Variants in MAP3K4 observed in about 807,000 individuals in gnomAD.
MAP3K4 encodes mitogen-activated protein kinase kinase kinase 4.
A neutral mutation model predicts 185.6 loss-of-function variants in MAP3K4; 67 were observed. The ratio of observed to expected loss-of-function variants is 0.36; its 90% CI spans 0.30 to 0.44. The LOEUF (loss-of-function observed/expected upper bound fraction) is 0.44, where lower values mean the gene tolerates loss of function less well. MAP3K4 is among the 20% of genes least tolerant of loss of function. The pLI, the probability that MAP3K4 is intolerant of heterozygous loss-of-function variation, is 1.00. For missense variants in MAP3K4, 1,551 were observed against 1,995.1 expected (o/e 0.78, Z 4.24); for synonymous variants, 702 against 710.4 (o/e 0.99, Z 0.19).
rs751637906 is a variant in MAP3K4 at position 161,049,886 on chromosome 6, G to A, written c.1614G>A (p.Gly538=). The change falls in exon 3 of 27, where the codon GGG becomes GGA. Residue 538 remains glycine (G), a synonymous_variant. Coordinates refer to ENST00000392142, the MANE Select transcript of MAP3K4 (RefSeq NM_005922.4). The surrounding 1 kb of genome is among the most constrained non-coding windows in gnomAD (Gnocchi z 8.4). ...TAGACAAAGCACTGAAGCAGATGGG[G>A]TTAAGAAAGTTAATTTTAAGACTTC... ...PFVDKALKQM[G]LRKLILRLHK... is the part of the protein sequence containing the mutation. The A allele has an allele frequency of 1.1e-5, 17 of 1,614,006 alleles. No individual in the cohort carries two copies. In the East Asian group the frequency reaches 3.6e-4, roughly 34 times the overall value.
chr6:161,006,379 G>T (rs965875068), intron 1 of MAP3K4, among the ~76,000 whole-genome samples: 5 of 152,128 alleles, frequency 3.3e-5, no homozygotes, highest in Non-Finnish European at 7.4e-5. Flanking sequence ...TGCTGAACAC[G>T]TACAGACTTT....
At position 161,074,621 on chromosome 6, in the gene MAP3K4, T is replaced by G. The variant is rs1438119167; in HGVS notation, c.2097+1009T>G. On this transcript the variant is annotated intron_variant, in intron 5 of 26. Coordinates refer to ENST00000392142, the MANE Select transcript of MAP3K4 (RefSeq NM_005922.4). The surrounding 1 kb of genome is among the most constrained non-coding windows in gnomAD (Gnocchi z 5.0). ...GGGCTATAACTTGAAATTCTCTTGT[T>G]TTCCATAGTATCTGATAGTGTTCAT... Among the ~76,000 whole-genome samples the G allele has an allele frequency of 1.3e-5, 2 of 152,244 alleles. No individual in the cohort carries two copies. The highest frequency in any genetic ancestry group is 4.8e-5 in the African/African-American group (2 of 41,462).
intron 1 of MAP3K4, among the ~76,000 whole-genome samples, chr6:161,021,869 G>A (rs965937448): frequency 6.6e-6 from 1 of 151,988 alleles, no homozygotes; most frequent in Non-Finnish European, 1.5e-5. Context: ...GTATGAAACA[G>A]ATAATGTGTA....
chr6:161,036,280 A>C (rs1457289922), intron 2 of MAP3K4, among the ~76,000 whole-genome samples: 1 of 152,200 alleles, frequency 6.6e-6, no homozygotes, highest in Admixed American at 6.5e-5. Flanking sequence ...TCAGATGAAG[A>C]AGCTAATGCT....
chr6:161,093,904 A>G lies in MAP3K4; in HGVS notation c.3427+53A>G. ...CTGGAACATAATGATTTGAGTGGACAGATCCTCTTGTAATTGCAGTCGTTT... is the reference window on the plus strand; with the variant it reads ...CTGGAACATAATGATTTGAGTGGACGGATCCTCTTGTAATTGCAGTCGTTT... On this transcript the variant is annotated intron_variant, in intron 15 of 26. Coordinates refer to ENST00000392142, the MANE Select transcript of MAP3K4 (RefSeq NM_005922.4). This position sits in a 1 kb window ranked among gnomAD's most constrained non-coding sequence, Gnocchi z 5.2. The G allele has an allele frequency of 7.6e-7, 1 of 1,322,558 alleles. No individual in the cohort carries two copies. Among genetic ancestry groups the G allele is most frequent in the East Asian group, 2.3e-5 (1 of 43,260 alleles). 81.9% of individuals were successfully genotyped at this position (1,322,558 alleles called of 1,614,324 possible).
chr6:161,069,078 T>C (rs992689598), intron 3 of MAP3K4, among the ~76,000 whole-genome samples: 2 of 152,248 alleles, frequency 1.3e-5, no homozygotes, highest in African/African-American at 4.8e-5. Flanking sequence ...AGAGCGTTTT[T>C]CCCATGTGTA....
At position 161,108,681 on chromosome 6, in the gene MAP3K4, A is replaced by G. The variant is rs1778216078; in HGVS notation, c.4120-62A>G. ...GGGGTGCAAAATGATGTTTCAGTGT[A>G]TGTGTATAATGTAGAGTGATTAAAT... On this transcript the variant is annotated intron_variant, in intron 21 of 26. Transcript: ENST00000392142. The surrounding 1 kb of genome is among the most constrained non-coding windows in gnomAD (Gnocchi z 5.7). 1.1e-6 allele frequency: 1 copy of G among 884,810 alleles called. No homozygotes were observed. The allele number at this position is 884,810 out of a possible 1,614,324, so 54.8% of individuals were successfully genotyped here. A position where few individuals can be genotyped will look rare whatever the true frequency, so the allele number is the denominator to read the frequency against.
Position 161,112,047 on chromosome 6 carries a change from G to C in MAP3K4, c.4519+89G>C. ...TTCCCTTCACCTTTGTTTGTCAGTA[G>C]AGATGGGAGAGCAGGTAAAGGTTTT... On this transcript the variant is annotated intron_variant, in intron 24 of 26. Transcript: ENST00000392142. The surrounding 1 kb of genome is among the most constrained non-coding windows in gnomAD (Gnocchi z 5.1). 1 of 1,522,006 alleles carries C rather than the reference G, an allele frequency of 6.6e-7. No individual in the cohort carries two copies. Among genetic ancestry groups the C allele is most frequent in the Non-Finnish European group, 8.9e-7 (1 of 1,125,926 alleles). 94.3% of individuals were successfully genotyped at this position (1,522,006 alleles called of 1,614,324 possible).
chr6:161,107,783 A>T lies in MAP3K4; in HGVS notation c.4049-116A>T. ...GCAATAGTAAACTGCAGTAAACATA[A>T]TTATAGATATATAAATATACGTCCA... On this transcript the variant is annotated intron_variant, in intron 20 of 26. Transcript: ENST00000392142. The surrounding 1 kb of genome is among the most constrained non-coding windows in gnomAD (Gnocchi z 6.2). The T allele has an allele frequency of 4.2e-6, 3 of 722,486 alleles. No individual in the cohort carries two copies. Among genetic ancestry groups the T allele is most frequent in the East Asian group, 5.6e-5 (2 of 36,006 alleles). 44.8% of individuals were successfully genotyped at this position (722,486 alleles called of 1,614,324 possible). A position where few individuals can be genotyped will look rare whatever the true frequency, so the allele number is the denominator to read the frequency against.
chr6:160,997,964 G>A (rs1781083379), intron 1 of MAP3K4, among the ~76,000 whole-genome samples: 1 of 152,170 alleles, frequency 6.6e-6, no homozygotes, highest in Admixed American at 6.5e-5. Flanking sequence ...GTCTCAGAGA[G>A]TGATGTTAAT....
At position 161,002,881 on chromosome 6, in the gene MAP3K4, G is replaced by A. The variant is rs560415430; in HGVS notation, c.152+10798G>A. Among the ~76,000 whole-genome samples the A allele has an allele frequency of 3.3e-5, 5 of 152,180 alleles. No homozygotes were observed. The East Asian group carries it at 9.7e-4, about 29-fold the overall frequency. ...GCTGGGATTACAGGCGTGAGCTCCC[G>A]CACCCGGCCGGCATATTTCTTTTCT... On this transcript the variant is annotated intron_variant, in intron 1 of 26. Transcript: ENST00000392142.
At chr6:161,072,686 G>A (rs1785001693) in intron 4 of MAP3K4, among the ~76,000 whole-genome samples, 2 of 152,022 alleles carry the variant, frequency 1.3e-5, no homozygotes, top group South Asian at 4.1e-4. Flanking sequence ...TTCCATTAGC[G>A]GCAGTGAAGG....
chr6:161,092,371 C>T lies in MAP3K4; in HGVS notation c.3269+228C>T, dbSNP rs191373539. On this transcript the variant is annotated intron_variant, in intron 13 of 26. Coordinates refer to ENST00000392142, the MANE Select transcript of MAP3K4 (RefSeq NM_005922.4). ...CAAATTTGAGTTACCTTTAAGGGAACTCATGTTCTCCTTTGACAAGTCTTC... is the reference window on the plus strand; with the variant it reads ...CAAATTTGAGTTACCTTTAAGGGAATTCATGTTCTCCTTTGACAAGTCTTC... Among the ~76,000 whole-genome samples, 29 of 152,066 alleles carry T rather than the reference C, an allele frequency of 1.9e-4. 1 individual carries two copies. The East Asian group carries it at 5.2e-3, about 27-fold the overall frequency.
chr6:161,004,626 C>T (rs769566024), intron 1 of MAP3K4, among the ~76,000 whole-genome samples: 7 of 151,954 alleles, frequency 4.6e-5, no homozygotes, highest in Admixed American at 2.0e-4. Flanking sequence ...TTAAAAGTTG[C>T]CAGGAGATTT....
intron 1 of MAP3K4, among the ~76,000 whole-genome samples, chr6:161,027,785 A>G (rs80319749): frequency 8.3e-4 from 127 of 152,382 alleles, no homozygotes; most frequent in African/African-American, 2.9e-3. Flanking sequence ...TAACAGCTTA[A>G]AATAAAAACC....
Position 161,097,231 on chromosome 6 carries a change from C to G in MAP3K4, c.3524+55C>G, listed in dbSNP as rs1777613336. The G allele has an allele frequency of 6.9e-7, 1 of 1,455,530 alleles. No individual in the cohort carries two copies. The highest frequency in any genetic ancestry group is 1.7e-5 in the Admixed American group (1 of 59,382). 90.2% of individuals were successfully genotyped at this position (1,455,530 alleles called of 1,614,324 possible). A position where few individuals can be genotyped will look rare whatever the true frequency, so the allele number is the denominator to read the frequency against. On this transcript the variant is annotated intron_variant, in intron 16 of 26. Transcript: ENST00000392142. The surrounding 1 kb of genome is among the most constrained non-coding windows in gnomAD (Gnocchi z 4.9). Reference sequence around the variant, plus strand: ...TACAGAGTGCCCTCCGATATGCATGCTCATACTTTTGAAACTACTAGATGC... The same window carrying G: ...TACAGAGTGCCCTCCGATATGCATGGTCATACTTTTGAAACTACTAGATGC...
In MAP3K4 at chr6:161,087,872, A is replaced by T. The variant is rs774110509; in HGVS notation, c.2741A>T (p.Glu914Val). ...TKHGDRARDS[E>V]DSWGTWEAQP... ...CACGGTGATCGAGCCCGTGATTCAG[A>T]GGACAGCTGGGGCACCTGGGAGGCA... The change falls in exon 10 of 27, where the codon GAG becomes GTG. Residue 914 changes from glutamate (E) to valine (V), a missense_variant. Glu to Val is a moderately radical substitution (Grantham distance 121). Transcript: ENST00000392142. The surrounding 1 kb of genome is among the most constrained non-coding windows in gnomAD (Gnocchi z 4.9). 1.5e-5 allele frequency: 24 copies of T among 1,614,168 alleles called. No individual in the cohort carries two copies. Among genetic ancestry groups the T allele is most frequent in the Middle Eastern group, 3.3e-4 (2 of 6,062 alleles).
In MAP3K4 at chr6:161,077,467, G is replaced by C. The variant is rs73784746; in HGVS notation, c.2098-3414G>C. ...GAGGGATCAAGAGAAGCCCCTTTTT[G>C]GTAGCAGGTGCGGTCCGCTTGGGAA... is the stretch of plus-strand genomic sequence containing the variant. On this transcript the variant is annotated intron_variant, in intron 5 of 26. Transcript: ENST00000392142. The surrounding 1 kb of genome is among the most constrained non-coding windows in gnomAD (Gnocchi z 4.3). 6.6e-6 allele frequency among the ~76,000 whole-genome samples: 1 copy of C among 152,126 alleles called. No individual in the cohort carries two copies. Among genetic ancestry groups the C allele is most frequent in the African/African-American group, 2.4e-5 (1 of 41,516 alleles).
At chr6:161,028,345 A>C (rs894923346) in intron 1 of MAP3K4, among the ~76,000 whole-genome samples, 5 of 151,394 alleles carry the variant, frequency 3.3e-5, no homozygotes, top group African/African-American at 1.2e-4. Context: ...TTGTATTCTT[A>C]CTAGTAAGTG....
Sources: gnomAD v4.1 joint callset for allele counts (sites outside exome capture counted in the v4.1 genomes callset) on GRCh38, gnomAD v4.1.1 for gene constraint, Gnocchi (gnomAD v3.1) non-coding constraint, MANE v1.5 for transcripts, NCBI Gene and HGNC (gene_info 2026-07-23, HGNC 2026-07-21) for gene names.